The following PLXNA4 variants were observed in gnomAD, a reference collection of about 807,000 sequenced individuals.
PLXNA4 encodes the protein plexin-A4.
Under a neutral mutation model 191.8 loss-of-function variants are expected in PLXNA4, and 44 were observed. The ratio of observed to expected loss-of-function variants is 0.23; its 90% confidence interval spans 0.18 to 0.29. The LOEUF (loss-of-function observed/expected upper bound fraction) is 0.29, where lower values mean the gene tolerates loss of function less well. Ranked by LOEUF, PLXNA4 falls within the 10% of genes least tolerant of loss-of-function variation. The probability of loss-of-function intolerance (pLI) is 1.00; values close to 1 mark genes in which losing one functional copy is unlikely to be tolerated. For missense variants in PLXNA4, 1,800 were observed against 2,488.8 expected (o/e 0.72, Z 5.89); for synonymous variants, 1,082 against 1,009.5 (o/e 1.07, Z -1.36).
chr7:132,124,724 G>C lies in PLXNA4; in HGVS notation c.*5755C>G, dbSNP rs557175599. 1 of 152,156 alleles carries C rather than the reference G, an allele frequency of 6.6e-6. No homozygotes were observed. The highest frequency in any genetic ancestry group is 1.5e-5 in the Non-Finnish European group (1 of 68,040). The allele number at this position is 152,156 out of a possible 1,614,324, so 9.4% of individuals were successfully genotyped here. A position where few individuals can be genotyped will look rare whatever the true frequency, so the allele number is the denominator to read the frequency against. ...TCGGCAGTACCAGGGGCAGCCCAGA[G>C]AGCCAAGCATAGACATCAAAGCGGG... On this transcript the variant is annotated 3_prime_UTR_variant, in exon 32 of 32. Transcript: ENST00000321063.
intron 2 of PLXNA4, among the ~76,000 whole-genome samples, chr7:132,595,252 A>G (rs1802687731): frequency 1.3e-5 from 2 of 152,020 alleles, no homozygotes; most frequent in Admixed American, 1.3e-4. Context: ...CCACTTTGAG[A>G]TGTATATGAT....
At chr7:132,174,656 C>G in intron 21 of PLXNA4, 122 bp downstream of exon 21, 1 of 1,465,862 alleles carries the variant, frequency 6.8e-7, no homozygotes, top group Non-Finnish European at 9.2e-7. Context: ...ATCTGGGGGA[C>G]CTTGGGCAAG....
rs763670910 is a variant in PLXNA4, at chr7:132,147,903, A to G, written c.4861T>C (p.Tyr1621His). 2.4e-5 allele frequency: 38 copies of G among 1,613,778 alleles called. No individual in the cohort carries two copies. Among genetic ancestry groups the G allele is most frequent in the Non-Finnish European group, 3.0e-5 (35 of 1,179,980 alleles). The stretch of plus-strand genomic sequence containing the variant: ...AGGACACTCGGTGGGATCTTACCAT[A>G]TTTACTTGCTGAGGTCCTGGAGACG... Reference protein sequence around the residue: ...STVSRTSASKYENMIRYTGSP... With the variant: ...STVSRTSASKHENMIRYTGSP... Residue 1621 changes from tyrosine (Y) to histidine (H), a missense_variant, in exon 27 of 32, where the codon TAT becomes CAT. Coordinates refer to ENST00000321063, the MANE Select transcript of PLXNA4 (RefSeq NM_020911.2).
At chr7:132,634,063 G>A (rs1406863614) in intron 2 of PLXNA4, among the ~76,000 whole-genome samples, 1 of 152,046 alleles carries the variant, frequency 6.6e-6, no homozygotes, top group Non-Finnish European at 1.5e-5. Flanking sequence ...AAGAGTGCTG[G>A]TTTTGGAGTT....
intron 13 of PLXNA4, 125 bp downstream of exon 13, chr7:132,198,360 T>G: frequency 7.4e-7 from 1 of 1,355,886 alleles, no homozygotes; most frequent in Non-Finnish European, 9.8e-7. Flanking sequence ...TCTAAAATAT[T>G]GGGGTGGTTC....
At chr7:132,420,616 G>A (rs1794816689) in intron 3 of PLXNA4, among the ~76,000 whole-genome samples, 1 of 152,196 alleles carries the variant, frequency 6.6e-6, no homozygotes, top group Non-Finnish European at 1.5e-5. Flanking sequence ...ATTTTTTTAA[G>A]TGTAGAGTTA....
chr7:132,162,708 A>G (rs1361475300), intron 24 of PLXNA4, among the ~76,000 whole-genome samples: 1 of 152,122 alleles, frequency 6.6e-6, no homozygotes, highest in East Asian at 1.9e-4. Flanking sequence ...GGTAACTGCC[A>G]GAAAGCAGGG....
At chr7:132,234,836 G>A (rs1313102803) in intron 5 of PLXNA4, among the ~76,000 whole-genome samples, 1 of 152,134 alleles carries the variant, frequency 6.6e-6, no homozygotes, top group African/African-American at 2.4e-5. Flanking sequence ...ACTGCAAAGA[G>A]TTTGCTGGGT....
At chr7:132,273,358 G>T (rs1424112732) in intron 4 of PLXNA4, among the ~76,000 whole-genome samples, 1 of 143,958 alleles carries the variant, frequency 6.9e-6, no homozygotes, top group Non-Finnish European at 1.5e-5. Context: ...ACACACACAC[G>T]CACGCACACG....
At chr7:132,147,547 G>A (rs544973049) in intron 27 of PLXNA4, among the ~76,000 whole-genome samples, 1 of 152,228 alleles carries the variant, frequency 6.6e-6, no homozygotes, top group African/African-American at 2.4e-5. Context: ...TTTAGCCTCT[G>A]TGCACCTGAG....
intron 3 of PLXNA4, among the ~76,000 whole-genome samples, chr7:132,440,816 T>C (rs1420605082): frequency 6.6e-6 from 1 of 152,206 alleles, no homozygotes; most frequent in Non-Finnish European, 1.5e-5. Flanking sequence ...CTGACTCTCT[T>C]GGCAGAAAAC....
intron 2 of PLXNA4, among the ~76,000 whole-genome samples, chr7:132,634,979 G>A (rs995852015): frequency 6.6e-6 from 1 of 151,924 alleles, no homozygotes; most frequent in Non-Finnish European, 1.5e-5. Flanking sequence ...GCAGAAAAAC[G>A]AGAAAAGACG....
At chr7:132,350,719 A>C (rs1803449551) in intron 3 of PLXNA4, among the ~76,000 whole-genome samples, 1 of 152,114 alleles carries the variant, frequency 6.6e-6, no homozygotes, top group African/African-American at 2.4e-5. Context: ...TGCTTTGGAA[A>C]ACAGCCTGGC....
chr7:132,601,914 A>G (rs1028041218), intron 2 of PLXNA4, among the ~76,000 whole-genome samples: 1 of 152,240 alleles, frequency 6.6e-6, no homozygotes, highest in Non-Finnish European at 1.5e-5. Context: ...CATTTCACAC[A>G]TGAGAAAAGC....
chr7:132,530,682 A>T (rs1174397519), intron 1 of PLXNA4, among the ~76,000 whole-genome samples: 1 of 152,248 alleles, frequency 6.6e-6, no homozygotes. Flanking sequence ...AAACTATTTG[A>T]TGGTTCCTCA....
At chr7:132,380,055 G>T (rs1269533418) in intron 3 of PLXNA4, among the ~76,000 whole-genome samples, 2 of 152,180 alleles carry the variant, frequency 1.3e-5, no homozygotes, top group Non-Finnish European at 1.5e-5. Flanking sequence ...TTTTATATCA[G>T]TGTTGGCTTA....
intron 27 of PLXNA4, among the ~76,000 whole-genome samples, chr7:132,147,624 C>T (rs1189666197): frequency 6.6e-6 from 1 of 152,208 alleles, no homozygotes; most frequent in East Asian, 1.9e-4. Flanking sequence ...TTGTTATGAA[C>T]ATGATGTGAG....
At chr7:132,439,138 C>G (rs1179735437) in intron 3 of PLXNA4, among the ~76,000 whole-genome samples, 1 of 152,172 alleles carries the variant, frequency 6.6e-6, no homozygotes, top group Non-Finnish European at 1.5e-5. Context: ...AATTGAGAAG[C>G]AGAAAATAAT....
At chr7:132,477,276 G>C (rs1386840120) in intron 3 of PLXNA4, among the ~76,000 whole-genome samples, 1 of 152,126 alleles carries the variant, frequency 6.6e-6, no homozygotes, top group Non-Finnish European at 1.5e-5. Flanking sequence ...CCCTCCCCAG[G>C]CTCCAGGCAG....
Sources: gnomAD v4.1 joint callset for allele counts (sites outside exome capture counted in the v4.1 genomes callset) on GRCh38, gnomAD v4.1.1 for gene constraint, MANE v1.5 for transcripts, NCBI Gene and HGNC (gene_info 2026-07-23, HGNC 2026-07-21) for gene names.